The following TOP1 variants were observed in gnomAD, a reference collection of about 807,000 sequenced individuals.
The protein encoded by TOP1 is DNA topoisomerase 1.
In TOP1, 10 loss-of-function variants were observed where a neutral mutation model predicts 111.1. That is an observed-to-expected ratio of 0.09 (90% CI 0.06 to 0.15). TOP1 has a LOEUF of 0.15. TOP1 is among the 10% of genes least tolerant of loss of function. The pLI is 1.00. For missense variants in TOP1, 474 were observed against 926.7 expected, an observed-to-expected ratio of 0.51 and a Z score of 6.34; for synonymous variants, 271 against 302.9, an observed-to-expected ratio of 0.89 and a Z score of 1.10.
rs534310924 is a variant in TOP1 at position 41,119,357 on chromosome 20, G to A, written c.1950+1061G>A. Among the ~76,000 whole-genome samples, 35 of 152,298 alleles carry A rather than the reference G, an allele frequency of 2.3e-4. 1 individual carries two copies. The highest frequency in any genetic ancestry group is 8.4e-4 in the African/African-American group (35 of 41,564). ...AAGCTGGGTGCAGTGGCTCACACCT[G>A]TAATCTCAGCATTTTGGGAGGTTGA... On this transcript the variant is annotated intron_variant, in intron 18 of 20. Coordinates refer to ENST00000361337, the MANE Select transcript of TOP1 (RefSeq NM_003286.4).
rs1248982191 is a variant in TOP1 at position 41,071,209 on chromosome 20, C to T, written c.156-4962C>T. 6.6e-6 allele frequency among the ~76,000 whole-genome samples: 1 copy of T among 152,138 alleles called. No individual in the cohort carries two copies. The highest frequency in any genetic ancestry group is 1.5e-5 in the Non-Finnish European group (1 of 68,030). On this transcript the variant is annotated intron_variant, in intron 3 of 20. Coordinates refer to ENST00000361337, the MANE Select transcript of TOP1 (RefSeq NM_003286.4). The surrounding 1 kb of genome is among the most constrained non-coding windows in gnomAD (Gnocchi z 4.3). Reference sequence around the variant, plus strand: ...CTCCCTACTTCCACCGTTTCTCCCACTCTTCTATATAAGTGCCTTAGAGAA... The same window carrying T: ...CTCCCTACTTCCACCGTTTCTCCCATTCTTCTATATAAGTGCCTTAGAGAA...
chr20:41,036,651 C>G (rs556450387), intron 2 of TOP1, among the ~76,000 whole-genome samples: 1 of 151,452 alleles, frequency 6.6e-6, no homozygotes, highest in East Asian at 1.9e-4. Flanking sequence ...TTTAAATCTT[C>G]TTGACATTTA....
chr20:41,068,330 A>G (rs1433483920), intron 3 of TOP1, among the ~76,000 whole-genome samples: 1 of 152,242 alleles, frequency 6.6e-6, no homozygotes, highest in Non-Finnish European at 1.5e-5. Context: ...CACCAAAGTT[A>G]GAAGATAATT....
At chr20:41,047,457 A>G (rs960719262) in intron 2 of TOP1, among the ~76,000 whole-genome samples, 2 of 152,246 alleles carry the variant, frequency 1.3e-5, no homozygotes, top group African/African-American at 4.8e-5. Context: ...TATACCATCT[A>G]GGTTTGTGTA....
At chr20:41,107,291 C>T (rs1460559252) in intron 13 of TOP1, among the ~76,000 whole-genome samples, 1 of 152,182 alleles carries the variant, frequency 6.6e-6, no homozygotes, top group Admixed American at 6.5e-5. Flanking sequence ...TCTTCCATAA[C>T]TTCTAGACCA....
chr20:41,084,408 C>G lies in TOP1; in HGVS notation c.508-54C>G, dbSNP rs569624113. 204 of 1,174,298 alleles carry G rather than the reference C, an allele frequency of 1.7e-4. 3 individuals carry two copies. In the East Asian group the frequency reaches 5.2e-3, roughly 30 times the overall value. The allele number at this position is 1,174,298 out of a possible 1,614,324, so 72.7% of individuals were successfully genotyped here. On this transcript the variant is annotated intron_variant, in intron 7 of 20. Transcript: ENST00000361337. ...TCCTCATGGCTCCCAAAAACTGCCT[C>G]CAGAAGTGTGATCAGTCTTTATTTA...
In TOP1 at chr20:41,097,096, G is replaced by A; in HGVS notation, c.731-124G>A. ...GTCTTTGTTGTTGTTGCTACTATGT[G>A]TCACCAGACCTTTATATACCATGAG... On this transcript the variant is annotated intron_variant, in intron 9 of 20. Coordinates refer to ENST00000361337, the MANE Select transcript of TOP1 (RefSeq NM_003286.4). This position sits in a 1 kb window ranked among gnomAD's most constrained non-coding sequence, Gnocchi z 4.2. 1 of 963,408 alleles carries A rather than the reference G, an allele frequency of 1.0e-6. No homozygotes were observed. 59.7% of individuals were successfully genotyped at this position (963,408 alleles called of 1,614,324 possible).
chr20:41,059,353 G>A (rs900531587), intron 2 of TOP1, among the ~76,000 whole-genome samples: 2 of 151,090 alleles, frequency 1.3e-5, no homozygotes, highest in African/African-American at 2.4e-5. Context: ...ACAACTTGAC[G>A]TCTTTATTGA....
chr20:41,082,634 A>G lies in TOP1; in HGVS notation c.507+1394A>G, dbSNP rs2033801733. 6.6e-6 allele frequency among the ~76,000 whole-genome samples: 1 copy of G among 152,208 alleles called. No individual in the cohort carries two copies. The highest frequency in any genetic ancestry group is 1.5e-5 in the Non-Finnish European group (1 of 68,034). The stretch of plus-strand genomic sequence containing the variant: ...AGTGAGTGAGTTGAGCCATAGAGAG[A>G]TGATCAGGTCCTGAATTTAGAAGGT... On this transcript the variant is annotated intron_variant, in intron 7 of 20. Transcript: ENST00000361337. This position sits in a 1 kb window ranked among gnomAD's most constrained non-coding sequence, Gnocchi z 4.1.
chr20:41,071,190 A>G lies in TOP1; in HGVS notation c.156-4981A>G, dbSNP rs375410303. On this transcript the variant is annotated intron_variant, in intron 3 of 20. Transcript: ENST00000361337. This position sits in a 1 kb window ranked among gnomAD's most constrained non-coding sequence, Gnocchi z 4.3. ...AGACATTGTTCCCTACTGGCTCCCT[A>G]CTTCCACCGTTTCTCCCACTCTTCT... Among the ~76,000 whole-genome samples the G allele has an allele frequency of 6.6e-6, 1 of 152,058 alleles. No homozygotes were observed. The highest frequency in any genetic ancestry group is 1.9e-4 in the East Asian group (1 of 5,198).
chr20:41,053,905 G>A (rs929004580), intron 2 of TOP1, among the ~76,000 whole-genome samples: 13 of 152,014 alleles, frequency 8.6e-5, no homozygotes, highest in Non-Finnish European at 1.9e-4. Context: ...GGGATTGCTG[G>A]GTTTAAAGAG....
In TOP1 at chr20:41,093,478, G is replaced by A. The variant is rs939675707; in HGVS notation, c.730+891G>A. On this transcript the variant is annotated intron_variant, in intron 9 of 20. Transcript: ENST00000361337. ...CCCTCTTCTGTCCCCTTTCCTGACA[G>A]TCCCCCTTCTCCTTTCCCCAGCATT... Among the ~76,000 whole-genome samples the A allele has an allele frequency of 2.0e-5, 3 of 150,784 alleles. No individual in the cohort carries two copies. The East Asian group carries it at 5.8e-4, about 29-fold the overall frequency.
rs1343752840 is a variant in TOP1 at position 41,080,222 on chromosome 20, G to A, written c.431+42G>A. ...AACTTTGACTTTTGAAAACAAAAAG[G>A]AGGAGTTTAAAGAATAAATGTGATG... On this transcript the variant is annotated intron_variant, in intron 6 of 20. Transcript: ENST00000361337. This position sits in a 1 kb window ranked among gnomAD's most constrained non-coding sequence, Gnocchi z 5.0. 1.7e-5 allele frequency: 21 copies of A among 1,230,082 alleles called. No individual in the cohort carries two copies. The highest frequency in any genetic ancestry group is 2.0e-5 in the Non-Finnish European group (17 of 855,130). The allele number at this position is 1,230,082 out of a possible 1,614,324, so 76.2% of individuals were successfully genotyped here.
At chr20:41,075,522 G>A (rs1209995517) in intron 3 of TOP1, among the ~76,000 whole-genome samples, 1 of 152,170 alleles carries the variant, frequency 6.6e-6, no homozygotes, top group African/African-American at 2.4e-5. Flanking sequence ...AAATTTCCAG[G>A]AGCTTGATCC....
Position 41,092,380 on chromosome 20 carries a change from G to A in TOP1, c.615-92G>A, listed in dbSNP as rs2033930628. 1.7e-5 allele frequency: 10 copies of A among 597,670 alleles called. No homozygotes were observed. The East Asian group carries it at 3.0e-4, about 18-fold the overall frequency. The allele number at this position is 597,670 out of a possible 1,614,324, so 37.0% of individuals were successfully genotyped here. On this transcript the variant is annotated intron_variant, in intron 8 of 20. Coordinates refer to ENST00000361337, the MANE Select transcript of TOP1 (RefSeq NM_003286.4). The surrounding 1 kb of genome is among the most constrained non-coding windows in gnomAD (Gnocchi z 4.3). The stretch of plus-strand genomic sequence containing the variant: ...AGAAGTCATTCCAGAGCACTAATCA[G>A]TTGAGCGGATAATTATTTGGCATTT...
chr20:41,041,230 T>C (rs1355945099), intron 2 of TOP1, among the ~76,000 whole-genome samples: 1 of 151,992 alleles, frequency 6.6e-6, no homozygotes, highest in Non-Finnish European at 1.5e-5. Flanking sequence ...GGTGAATTGC[T>C]TTAGCCCAGG....
rs2033153320 is a variant in TOP1 at position 41,033,983 on chromosome 20, T to A, written c.58+4528T>A. On this transcript the variant is annotated intron_variant, in intron 2 of 20. Transcript: ENST00000361337. ...TATTTTGACATTGGACCTGGAGGTT[T>A]AAAAAAAAAAACCCTATTGAAAGAA... is the stretch of plus-strand genomic sequence containing the variant. Among the ~76,000 whole-genome samples the A allele has an allele frequency of 2.0e-5, 3 of 146,740 alleles. No homozygotes were observed. In the Admixed American group the frequency reaches 2.0e-4, roughly 10 times the overall value.
rs1384295368 is a variant in TOP1, at chr20:41,078,450, TCAGTTTCATTTGTTAAA to T, written c.335+814_335+830del. Among the ~76,000 whole-genome samples, 1 of 152,248 alleles carries T rather than the reference TCAGTTTCATTTGTTAAA, an allele frequency of 6.6e-6. No individual in the cohort carries two copies. Among genetic ancestry groups the T allele is most frequent in the Non-Finnish European group, 1.5e-5 (1 of 68,044 alleles). On this transcript the variant is annotated intron_variant, in intron 5 of 20. Coordinates refer to ENST00000361337, the MANE Select transcript of TOP1 (RefSeq NM_003286.4). This position sits in a 1 kb window ranked among gnomAD's most constrained non-coding sequence, Gnocchi z 5.3. ...TTTGCTTCCTTGAATCTTTGAACTT[TCAGTTTCATTTGTTAAA>T]ATTTTTGACAATTGTGCCTGGTACT...
intron 2 of TOP1, among the ~76,000 whole-genome samples, chr20:41,059,234 T>C (rs1456118447): frequency 1.3e-5 from 2 of 152,016 alleles, no homozygotes; most frequent in East Asian, 3.9e-4. Flanking sequence ...GCTTAATTCC[T>C]GGGTGATGAA....
Sources: allele counts gnomAD v4.1 joint callset (sites outside exome capture counted in the v4.1 genomes callset), GRCh38; gene constraint gnomAD v4.1.1; non-coding constraint Gnocchi (gnomAD v3.1); transcripts MANE v1.5; gene names NCBI Gene and HGNC (gene_info 2026-07-23, HGNC 2026-07-21).